Variants in PITPNC1 observed in about 807,000 individuals in gnomAD.
PITPNC1 encodes phosphatidylinositol transfer protein cytoplasmic 1, also known as cytoplasmic phosphatidylinositol transfer protein 1.
PITPNC1 carries 18 observed loss-of-function variants against 44.7 expected under a neutral mutation model. That is an observed-to-expected ratio of 0.40 (90% CI 0.28 to 0.60). The LOEUF (loss-of-function observed/expected upper bound fraction) is 0.60. PITPNC1 is among the 20% of genes least tolerant of loss of function. The pLI is 0.39. For synonymous variants in PITPNC1, 141 were observed against 149.6 expected (o/e 0.94, Z 0.42); for missense variants, 290 against 418.4 (o/e 0.69, Z 2.68).
intron 1 of PITPNC1, among the ~76,000 whole-genome samples, chr17:67,395,661 T>C (rs1190757936): frequency 6.6e-6 from 1 of 152,200 alleles, no homozygotes; most frequent in East Asian, 1.9e-4. Flanking sequence ...ACATCCCACA[T>C]GAATCATCAT....
At chr17:67,462,698 ATTT>A (rs34015766) in intron 1 of PITPNC1, among the ~76,000 whole-genome samples, 124 of 122,326 alleles carry the variant, frequency 1.0e-3, no homozygotes, top group Admixed American at 1.7e-3. Flanking sequence ...CACAATTGGA[ATTT>A]TTTTTTTTTT....
intron 1 of PITPNC1, among the ~76,000 whole-genome samples, chr17:67,527,892 T>C (rs2040411013): frequency 6.6e-6 from 1 of 152,086 alleles, no homozygotes; most frequent in African/African-American, 2.4e-5. Context: ...TCCCAGCTAC[T>C]CAAGGGGCTG....
chr17:67,533,502 C>CCGT (rs1555662951), intron 2 of PITPNC1, among the ~76,000 whole-genome samples: 4 of 152,050 alleles, frequency 2.6e-5, no homozygotes, highest in Admixed American at 2.6e-4. Context: ...AGAGTGAGGC[C>CCGT]CTTGAAAAAA....
At chr17:67,475,674 T>C (rs1225588273) in intron 1 of PITPNC1, among the ~76,000 whole-genome samples, 1 of 152,152 alleles carries the variant, frequency 6.6e-6, no homozygotes, top group Admixed American at 6.5e-5. Flanking sequence ...CAGAGAACCT[T>C]GTTACCACCT....
intron 1 of PITPNC1, among the ~76,000 whole-genome samples, chr17:67,467,536 T>C (rs981760516): frequency 1.3e-5 from 2 of 152,156 alleles, no homozygotes; most frequent in Non-Finnish European, 2.9e-5. Context: ...ATTGAGTGGC[T>C]CTCGCAAAAT....
At chr17:67,581,818 A>T (rs923587245) in intron 5 of PITPNC1, among the ~76,000 whole-genome samples, 8 of 152,256 alleles carry the variant, frequency 5.3e-5, no homozygotes, top group African/African-American at 1.7e-4. Context: ...TGGATACCTG[A>T]GGTCAGGAGT....
At chr17:67,555,391 A>C (rs904978765) in intron 4 of PITPNC1, among the ~76,000 whole-genome samples, 3 of 152,162 alleles carry the variant, frequency 2.0e-5, no homozygotes, top group African/African-American at 7.2e-5. Context: ...CAGCGGGTCA[A>C]ATTTGTCCCC....
intron 4 of PITPNC1, among the ~76,000 whole-genome samples, chr17:67,577,579 A>G (rs1003796842): frequency 5.9e-5 from 9 of 151,564 alleles, no homozygotes; most frequent in Non-Finnish European, 1.3e-4. Flanking sequence ...AAAAAATAAT[A>G]AAATTTAAAA....
At chr17:67,611,293 T>C (rs2041684311) in intron 5 of PITPNC1, 1 of 152,224 alleles carries the variant, frequency 6.6e-6, no homozygotes, top group South Asian at 2.1e-4. Flanking sequence ...ATCCTTTTAT[T>C]AGAATCCTTG....
chr17:67,582,584 TAAA>T (rs11343907), intron 5 of PITPNC1, among the ~76,000 whole-genome samples: 37 of 145,582 alleles, frequency 2.5e-4, no homozygotes, highest in African/African-American at 8.3e-4. Context: ...CAATATCTAG[TAAA>T]AAAAAAAAAA....
At chr17:67,652,181 A>T (rs2042216598) in intron 6 of PITPNC1, among the ~76,000 whole-genome samples, 1 of 152,196 alleles carries the variant, frequency 6.6e-6, no homozygotes, top group Admixed American at 6.5e-5. Context: ...TTGAGAGTGT[A>T]ATTAATCATG....
intron 4 of PITPNC1, among the ~76,000 whole-genome samples, chr17:67,576,305 C>T (rs1441748910): frequency 6.6e-6 from 1 of 152,088 alleles, no homozygotes; most frequent in Non-Finnish European, 1.5e-5. Flanking sequence ...GACTGTAGGC[C>T]ATTTACTTAC....
rs546286981 is a variant in PITPNC1, at chr17:67,594,001, CAG to C, written c.366+15747_366+15748del. Among the ~76,000 whole-genome samples the C allele has an allele frequency of 3.4e-3, 523 of 152,290 alleles. 1 individual carries two copies. Among genetic ancestry groups the C allele is most frequent in the African/African-American group, 0.012 (500 of 41,562 alleles). On this transcript the variant is annotated intron_variant, in intron 5 of 8. Transcript: ENST00000581322. ...GCCTTGGTGGGTGGATTGCTCATGA[CAG>C]AGGATGGACAGCAATCTTGGGTCGT...
rs2043004384 is a variant in PITPNC1 at position 67,695,998 on chromosome 17, T to C, written c.*3110T>C. 6.6e-6 allele frequency: 1 copy of C among 152,208 alleles called. No homozygotes were observed. The highest frequency in any genetic ancestry group is 6.5e-5 in the Admixed American group (1 of 15,282). 9.4% of individuals were successfully genotyped at this position (152,208 alleles called of 1,614,324 possible). Reference sequence around the variant, plus strand: ...AAAAGGAACACAATGAAGGAGGCCGTGACATTTTTAGTTGCCACCGTTGTA... The same window carrying C: ...AAAAGGAACACAATGAAGGAGGCCGCGACATTTTTAGTTGCCACCGTTGTA... On this transcript the variant is annotated 3_prime_UTR_variant, in exon 9 of 9. Coordinates refer to ENST00000581322, the MANE Select transcript of PITPNC1 (RefSeq NM_012417.4).
At chr17:67,637,507 C>T (rs1397751621) in intron 6 of PITPNC1, among the ~76,000 whole-genome samples, 1 of 152,156 alleles carries the variant, frequency 6.6e-6, no homozygotes, top group Non-Finnish European at 1.5e-5. Context: ...CACACACACA[C>T]GGCCATCCAG....
chr17:67,654,758 G>T (rs138616946), intron 6 of PITPNC1, among the ~76,000 whole-genome samples: 45 of 152,218 alleles, frequency 3.0e-4, no homozygotes, highest in Admixed American at 5.9e-4. Context: ...TCGGTCTCCC[G>T]AGTAGCTGGG....
chr17:67,638,545 T>TA, intron 6 of PITPNC1: 1 of 152,306 alleles, frequency 6.6e-6, no homozygotes, highest in African/African-American at 2.4e-5. Context: ...TCTTCAGACA[T>TA]ACCTCCAGGG....
rs2144488666 is a variant in PITPNC1, at chr17:67,694,077, C to T, written c.*1189C>T. On this transcript the variant is annotated 3_prime_UTR_variant, in exon 9 of 9. Transcript: ENST00000581322. The stretch of plus-strand genomic sequence containing the variant: ...AAAAGGAGGAGTGATAATAGATGCC[C>T]TTCTGTCTAGCTTTCCTTTCTTCAA... 6.6e-6 allele frequency: 1 copy of T among 152,326 alleles called. No individual in the cohort carries two copies. The highest frequency in any genetic ancestry group is 2.1e-4 in the South Asian group (1 of 4,822). The allele number at this position is 152,326 out of a possible 1,614,324, so 9.4% of individuals were successfully genotyped here.
chr17:67,603,521 A>T (rs1247374173), intron 5 of PITPNC1, among the ~76,000 whole-genome samples: 2 of 152,218 alleles, frequency 1.3e-5, no homozygotes, highest in Admixed American at 6.5e-5. Flanking sequence ...AGCGGTCTGC[A>T]CAGCCTCACA....
Sources: allele counts gnomAD v4.1 joint callset (sites outside exome capture counted in the v4.1 genomes callset), GRCh38; gene constraint gnomAD v4.1.1; transcripts MANE v1.5; gene names NCBI Gene and HGNC (gene_info 2026-07-23, HGNC 2026-07-21).